The following MACROD2 variants were observed in gnomAD, a reference collection of about 807,000 sequenced individuals.
The protein encoded by MACROD2 is mono-ADP ribosylhydrolase 2.
Under a neutral mutation model 70.4 loss-of-function variants are expected in MACROD2, and 36 were observed. That is an observed-to-expected ratio of 0.51 (90% confidence interval 0.39 to 0.68). The LOEUF (loss-of-function observed/expected upper bound fraction) is 0.68, where lower values mean the gene tolerates loss of function less well. MACROD2 is among the 30% of genes least tolerant of loss of function. The pLI is 0.00. For missense variants in MACROD2, 496 were observed against 538.4 expected (o/e 0.92, Z 0.78); for synonymous variants, 172 against 178.8 (o/e 0.96, Z 0.30).
intron 5 of MACROD2, among the ~76,000 whole-genome samples, chr20:14,840,033 C>CTTTTTTTTTTTTT (rs71190154): frequency 1.4e-5 from 2 of 142,492 alleles, no homozygotes. Context: ...GTCTCCATGT[C>CTTTTTTTTTTTTT]TTTTTTTTTT....
At chr20:14,426,503 G>T (rs750838065) in intron 3 of MACROD2, among the ~76,000 whole-genome samples, 1 of 151,944 alleles carries the variant, frequency 6.6e-6, no homozygotes, top group Non-Finnish European at 1.5e-5. Context: ...TTTCATATTA[G>T]TGACTTTCCT....
rs547067129 is a variant in MACROD2 at position 14,539,374 on chromosome 20, A to G, written c.301+45866A>G. Among the ~76,000 whole-genome samples, 176 of 152,314 alleles carry G rather than the reference A, an allele frequency of 1.2e-3. 1 individual carries two copies. Among genetic ancestry groups the G allele is most frequent in the Non-Finnish European group, 1.8e-3 (120 of 68,026 alleles). On this transcript the variant is annotated intron_variant, in intron 4 of 17. Coordinates refer to ENST00000684519, the MANE Select transcript of MACROD2 (RefSeq NM_001351661.2). Reference sequence around the variant, plus strand: ...ATTTTAGAAATACCTTCTTCTGGCCATCCTCCCTTGACTCCTGCTTTTCCA... The same window carrying G: ...ATTTTAGAAATACCTTCTTCTGGCCGTCCTCCCTTGACTCCTGCTTTTCCA...
At chr20:14,523,429 A>C (rs918482694) in intron 4 of MACROD2, 5 of 152,198 alleles carry the variant, frequency 3.3e-5, no homozygotes, top group Non-Finnish European at 5.9e-5. Context: ...AGAGACCTCC[A>C]GCTTCTGTCC....
chr20:14,686,488 C>T (rs1354371107), intron 5 of MACROD2, among the ~76,000 whole-genome samples: 1 of 152,176 alleles, frequency 6.6e-6, no homozygotes, highest in Non-Finnish European at 1.5e-5. Context: ...GATTTTGGAG[C>T]ATTTTGAATT....
intron 3 of MACROD2, among the ~76,000 whole-genome samples, chr20:14,186,876 A>T (rs2081348915): frequency 6.6e-6 from 1 of 152,210 alleles, no homozygotes; most frequent in Non-Finnish European, 1.5e-5. Flanking sequence ...GTTCTAATTT[A>T]TAAGTAGGTG....
chr20:15,613,997 G>C (rs1351551834), intron 8 of MACROD2, among the ~76,000 whole-genome samples: 1 of 152,166 alleles, frequency 6.6e-6, no homozygotes, highest in East Asian at 1.9e-4. Flanking sequence ...TGGGAAGAAG[G>C]GGTAAACTTT....
intron 7 of MACROD2, among the ~76,000 whole-genome samples, chr20:15,433,687 G>GA (rs893218243): frequency 6.2e-5 from 9 of 145,454 alleles, no homozygotes; most frequent in Admixed American, 1.4e-4. Context: ...ACAGAACTAG[G>GA]AAAAAAAAGC....
chr20:15,791,447 A>G (rs79003662), intron 8 of MACROD2, among the ~76,000 whole-genome samples: 2 of 148,494 alleles, frequency 1.3e-5, no homozygotes, highest in African/African-American at 5.0e-5. Flanking sequence ...GGCAATTTTA[A>G]AAAAAAAAGG....
Position 16,002,703 on chromosome 20 carries a change from C to T in MACROD2, c.1153+15545C>T, listed in dbSNP as rs117044432. 5.4e-3 allele frequency among the ~76,000 whole-genome samples: 821 copies of T among 152,280 alleles called. 8 individuals are homozygous for T. The highest frequency in any genetic ancestry group is 7.7e-3 in the Non-Finnish European group (526 of 68,016). On this transcript the variant is annotated intron_variant, in intron 15 of 17. Transcript: ENST00000684519. ...AGCTCAGCTGACACCTTGACGCTAG[C>T]CTCATAAGACCCATTTCAGACATCT...
At chr20:15,893,927 T>C (rs569566209) in intron 10 of MACROD2, 35 of 456,674 alleles carry the variant, frequency 7.7e-5, no homozygotes, top group South Asian at 5.1e-4. Context: ...AGCTAGGAAG[T>C]GCCTCAGTCT....
chr20:15,935,149 A>G (rs946647438), intron 11 of MACROD2, among the ~76,000 whole-genome samples: 7 of 152,190 alleles, frequency 4.6e-5, no homozygotes, highest in African/African-American at 1.7e-4. Context: ...CCAGTTGAGA[A>G]CAAGTAGTTT....
chr20:14,857,889 C>T (rs2073272490), intron 5 of MACROD2, among the ~76,000 whole-genome samples: 1 of 152,048 alleles, frequency 6.6e-6, no homozygotes, highest in South Asian at 2.1e-4. Flanking sequence ...GGTGCGATCT[C>T]GGCTCTCTGC....
At chr20:15,604,484 A>C (rs1303408970) in intron 8 of MACROD2, among the ~76,000 whole-genome samples, 1 of 152,246 alleles carries the variant, frequency 6.6e-6, no homozygotes, top group Non-Finnish European at 1.5e-5. Context: ...AGATTTGAGA[A>C]GCACAGAGCT....
chr20:14,741,845 A>G (rs2071736579), intron 5 of MACROD2, among the ~76,000 whole-genome samples: 3 of 152,270 alleles, frequency 2.0e-5, no homozygotes, highest in Non-Finnish European at 4.4e-5. Context: ...AAAAATCAGA[A>G]AAACTAAAGC....
intron 3 of MACROD2, among the ~76,000 whole-genome samples, chr20:14,304,781 T>A (rs1601454957): frequency 6.6e-6 from 1 of 152,104 alleles, no homozygotes; most frequent in East Asian, 1.9e-4. Context: ...TGTTTTTTTT[T>A]TTTTGGTCTG....
chr20:14,820,893 G>T (rs1322551817), intron 5 of MACROD2, among the ~76,000 whole-genome samples: 1 of 152,008 alleles, frequency 6.6e-6, no homozygotes, highest in Non-Finnish European at 1.5e-5. Context: ...GTACTTAGGT[G>T]TCAGTTTTTC....
intron 5 of MACROD2, among the ~76,000 whole-genome samples, chr20:14,960,795 T>G (rs1438509288): frequency 6.6e-6 from 1 of 152,154 alleles, no homozygotes; most frequent in Admixed American, 6.5e-5. Context: ...GGGCTTCTTC[T>G]GTGACACTAT....
intron 8 of MACROD2, among the ~76,000 whole-genome samples, chr20:15,641,018 G>A (rs776064137): frequency 9.9e-5 from 15 of 152,284 alleles, no homozygotes; most frequent in Middle Eastern, 3.4e-3. Flanking sequence ...CTGGTAGCTG[G>A]GCTGTCTCCC....
chr20:15,829,608 A>G (rs1005382899), intron 8 of MACROD2, among the ~76,000 whole-genome samples: 4 of 152,166 alleles, frequency 2.6e-5, no homozygotes, highest in Admixed American at 2.6e-4. Context: ...TGGGGAGCTC[A>G]TCTTTGATCC....
Sources: gnomAD v4.1 joint callset for allele counts (sites outside exome capture counted in the v4.1 genomes callset) on GRCh38, gnomAD v4.1.1 for gene constraint, MANE v1.5 for transcripts, NCBI Gene and HGNC (gene_info 2026-07-23, HGNC 2026-07-21) for gene names.